Variants in ARB2A observed in about 807,000 individuals in gnomAD.
ARB2A encodes ARB2 cotranscriptional regulator A.
chr5:94,038,439 A>C, the ARB2A span, among the ~76,000 whole-genome samples: 2 of 152,112 alleles, frequency 1.3e-5, no homozygotes, highest in South Asian at 4.1e-4. Context: ...GAAATTATCC[A>C]AACTTATTAA....
At chr5:93,823,312 AT>A in the ARB2A span, among the ~76,000 whole-genome samples, 2 of 152,084 alleles carry the variant, frequency 1.3e-5, no homozygotes, top group South Asian at 2.1e-4. Flanking sequence ...AAATTTGGTA[AT>A]TTTTTTCTAT....
the ARB2A span, among the ~76,000 whole-genome samples, chr5:93,884,105 G>C: frequency 2.0e-5 from 3 of 151,582 alleles, no homozygotes; most frequent in African/African-American, 2.4e-5. Context: ...CAAGGTAAAA[G>C]AGTGGGACTT....
the ARB2A span, among the ~76,000 whole-genome samples, chr5:94,012,154 A>G: frequency 1.3e-4 from 20 of 152,246 alleles, no homozygotes; most frequent in South Asian, 6.2e-4. Context: ...TGTAATCCCA[A>G]CACTTTGGGA....
chr5:93,801,274 A>G, the ARB2A span, among the ~76,000 whole-genome samples: 1 of 152,130 alleles, frequency 6.6e-6, no homozygotes, highest in East Asian at 1.9e-4. Flanking sequence ...TACTCTATTT[A>G]TTTGTGAGAA....
At chr5:94,013,804 T>A in the ARB2A span, among the ~76,000 whole-genome samples, 1 of 152,144 alleles carries the variant, frequency 6.6e-6, no homozygotes, top group East Asian at 1.9e-4. Context: ...TCACCAGCAG[T>A]ATCCCAGAAC....
chr5:93,850,105 T>G, the ARB2A span, among the ~76,000 whole-genome samples: 1 of 152,194 alleles, frequency 6.6e-6, no homozygotes, highest in African/African-American at 2.4e-5. Flanking sequence ...TAACTTCAGA[T>G]CCCATGATCT....
chr5:93,751,862 A>G, the ARB2A span, among the ~76,000 whole-genome samples: 1 of 152,188 alleles, frequency 6.6e-6, no homozygotes, highest in Non-Finnish European at 1.5e-5. Context: ...GGGGGCACAC[A>G]GAATGTGTAG....
chr5:94,019,776 A>G, the ARB2A span, among the ~76,000 whole-genome samples: 1 of 152,222 alleles, frequency 6.6e-6, no homozygotes, highest in African/African-American at 2.4e-5. Flanking sequence ...CAATCCCATT[A>G]CTGGGTATAT....
At chr5:93,718,833 CT>C in the ARB2A span, among the ~76,000 whole-genome samples, 9 of 152,112 alleles carry the variant, frequency 5.9e-5, no homozygotes, top group African/African-American at 1.9e-4. Context: ...TGTTTCCTAG[CT>C]TTTTTCTCAT....
the ARB2A span, among the ~76,000 whole-genome samples, chr5:93,794,454 T>C: frequency 6.6e-6 from 1 of 152,086 alleles, no homozygotes; most frequent in Non-Finnish European, 1.5e-5. Context: ...TTTGGATCCA[T>C]TGCTGGTGAG....
At chr5:94,007,893 C>A in the ARB2A span, among the ~76,000 whole-genome samples, 1 of 152,088 alleles carries the variant, frequency 6.6e-6, no homozygotes, top group Non-Finnish European at 1.5e-5. Flanking sequence ...CTGTGTTGTT[C>A]CATGGGAGCA....
chr5:94,012,153 A>C, the ARB2A span, among the ~76,000 whole-genome samples: 2 of 152,104 alleles, frequency 1.3e-5, no homozygotes, highest in Admixed American at 1.3e-4. Flanking sequence ...CTGTAATCCC[A>C]ACACTTTGGG....
At chr5:93,898,786 A>G in the ARB2A span, among the ~76,000 whole-genome samples, 5 of 152,232 alleles carry the variant, frequency 3.3e-5, no homozygotes, top group East Asian at 7.7e-4. Flanking sequence ...AGTTTAATAC[A>G]TGGCTCAAGA....
chr5:93,938,222 A>T, the ARB2A span, among the ~76,000 whole-genome samples: 2 of 152,248 alleles, frequency 1.3e-5, no homozygotes, highest in Non-Finnish European at 2.9e-5. Flanking sequence ...CTCAAAGAGT[A>T]AAAATTAAAT....
chr5:93,827,318 G>C, the ARB2A span, among the ~76,000 whole-genome samples: 3 of 152,268 alleles, frequency 2.0e-5, no homozygotes, highest in Admixed American at 2.0e-4. Flanking sequence ...TCTCATTGAG[G>C]TTTTGATCTG....
At chr5:93,696,977 G>A in the ARB2A span, among the ~76,000 whole-genome samples, 4 of 149,800 alleles carry the variant, frequency 2.7e-5, no homozygotes, top group African/African-American at 9.9e-5. Flanking sequence ...CAGGAGAATC[G>A]CTTGAATCTG....
the ARB2A span, among the ~76,000 whole-genome samples, chr5:93,711,191 C>T: frequency 2.0e-5 from 3 of 147,506 alleles, no homozygotes; most frequent in African/African-American, 7.5e-5. Context: ...CCAACTGGTT[C>T]TATTTTTTTT....
At chr5:93,936,745 TTC>T in the ARB2A span, among the ~76,000 whole-genome samples, 1 of 152,132 alleles carries the variant, frequency 6.6e-6, no homozygotes, top group Non-Finnish European at 1.5e-5. Flanking sequence ...TACCTATGCC[TTC>T]TGTTTTCAGA....
At chr5:94,017,837 C>T in the ARB2A span, among the ~76,000 whole-genome samples, 1 of 152,300 alleles carries the variant, frequency 6.6e-6, no homozygotes, top group East Asian at 1.9e-4. Flanking sequence ...CCAACCAAAT[C>T]TCAACTTGAA....
Sources: gnomAD v4.1 joint callset for allele counts (sites outside exome capture counted in the v4.1 genomes callset) on GRCh38, gnomAD v4.1.1 for gene constraint, MANE v1.5 for transcripts, NCBI Gene and HGNC (gene_info 2026-07-23, HGNC 2026-07-21) for gene names.